The following FKBP11 variants were observed in gnomAD, a reference collection of about 807,000 sequenced individuals.
FKBP11 encodes FKBP prolyl isomerase 11.
Under a neutral mutation model 24.7 loss-of-function variants are expected in FKBP11, and 21 were observed. That is an observed-to-expected ratio of 0.85 (90% CI 0.60 to 1.23). The LOEUF (loss-of-function observed/expected upper bound fraction) is 1.23, where lower values mean the gene tolerates loss of function less well. Ranked by LOEUF, FKBP11 falls within the 50% of genes most tolerant of loss-of-function variation. The pLI, the probability that FKBP11 is intolerant of heterozygous loss-of-function variation, is 0.00. For missense variants in FKBP11, 245 were observed against 248.7 expected (o/e 0.99, Z 0.10); for synonymous variants, 106 against 100.6 (o/e 1.05, Z -0.32).
rs1939874057 is a variant in FKBP11 at position 48,923,156 on chromosome 12, A to AG, written c.388+625_388+626insC. ...AGAGTGAAACTCCATCTCAAAAAAA[A>AG]AAAAAGAATTACGAGCCCAATACTC... On this transcript the variant is annotated intron_variant, in intron 5 of 5. Transcript: ENST00000550765. 4.4e-6 allele frequency: 5 copies of AG among 1,131,418 alleles called. No homozygotes were observed. The East Asian group carries it at 2.8e-4, about 62-fold the overall frequency. The allele number at this position is 1,131,418 out of a possible 1,614,324, so 70.1% of individuals were successfully genotyped here.
the FKBP11 span, among the ~76,000 whole-genome samples, chr12:48,932,657 T>C: frequency 0.33 from 49,646 of 151,886 alleles, 9,116 homozygotes; most frequent in Admixed American, 0.47. Context: ...TATTCAGAAC[T>C]CAGAAAGAAT....
In FKBP11 at chr12:48,923,764, G is replaced by C. The variant is rs183577327; in HGVS notation, c.388+18C>G. The C allele has an allele frequency of 2.2e-4, 348 of 1,611,186 alleles. 5 individuals are homozygous for C. In the East Asian group the frequency reaches 2.9e-3, roughly 14 times the overall value. On this transcript the variant is annotated intron_variant, in intron 5 of 5. Transcript: ENST00000550765. ...CTGGGTATTTTGATGGCCTGAGAGA[G>C]AGTCCTAGTCAGATTACCTGGGACA...
chr12:48,925,062 A>G lies in FKBP11; in HGVS notation c.179T>C (p.Leu60Pro). 1 of 1,613,590 alleles carries G rather than the reference A, an allele frequency of 6.2e-7. No homozygotes were observed. The highest frequency in any genetic ancestry group is 1.1e-5 in the South Asian group (1 of 91,046). ...ACCCCTCACCGTGTAGTGTATGTGA[A>G]GCGTGTCTCCAAAAGCAGCGGGCTC... is the stretch of plus-strand genomic sequence containing the variant. ...CAEPAAFGDTLHIHYTGSLVD... is the reference protein window; with the variant it reads ...CAEPAAFGDTPHIHYTGSLVD... The change falls in exon 2 of 6, where the codon CTT (leucine) becomes CCT (proline). Residue 60 changes from leucine (L) to proline (P), a missense_variant. Transcript: ENST00000550765.
At chr12:48,935,675 A>G in the FKBP11 span, 1 of 152,242 alleles carries the variant, frequency 6.6e-6, no homozygotes, top group Non-Finnish European at 1.5e-5. Flanking sequence ...AGTAGAGCTG[A>G]TGCAGGGCCA....
chr12:48,925,490 G>A lies in FKBP11; in HGVS notation c.-62C>T, dbSNP rs1939945951. 4 of 1,513,394 alleles carry A rather than the reference G, an allele frequency of 2.6e-6. No individual in the cohort carries two copies. The Admixed American group carries it at 8.0e-5, about 30-fold the overall frequency. The allele number at this position is 1,513,394 out of a possible 1,614,324, so 93.7% of individuals were successfully genotyped here. A position where few individuals can be genotyped will look rare whatever the true frequency, so the allele number is the denominator to read the frequency against. On this transcript the variant is annotated 5_prime_UTR_variant, in exon 1 of 6. Coordinates refer to ENST00000550765, the MANE Select transcript of FKBP11 (RefSeq NM_016594.3). ...AGGCTGTTCGGGTGGCGGCAGCCAGGACAGCGTTCCCGCGGCGCCCAGGCC... is the reference window on the plus strand; with the variant it reads ...AGGCTGTTCGGGTGGCGGCAGCCAGAACAGCGTTCCCGCGGCGCCCAGGCC...
At chr12:48,927,662 T>G (rs1041425804), upstream of FKBP11, among the ~76,000 whole-genome samples, 4 of 152,176 alleles carry the variant, frequency 2.6e-5, no homozygotes, top group African/African-American at 9.7e-5. Context: ...AAGAGTTAAC[T>G]AGAAAGCGTC....
upstream of FKBP11, among the ~76,000 whole-genome samples, chr12:48,930,219 T>C (rs1167042199): frequency 6.6e-6 from 1 of 152,214 alleles, no homozygotes; most frequent in Non-Finnish European, 1.5e-5. Context: ...GACAAATGTA[T>C]ATATACCCTA....
Position 48,925,043 on chromosome 12 carries a change from C to T in FKBP11, c.195+3G>A. Reference sequence around the variant, plus strand: ...CCCCGCCCCGGCCCCCCAGACCCCTCACCGTGTAGTGTATGTGAAGCGTGT... The same window carrying T: ...CCCCGCCCCGGCCCCCCAGACCCCTTACCGTGTAGTGTATGTGAAGCGTGT... On this transcript the variant is annotated splice_donor_region_variant and intron_variant, in intron 2 of 5. Coordinates refer to ENST00000550765, the MANE Select transcript of FKBP11 (RefSeq NM_016594.3). 1 of 1,609,650 alleles carries T rather than the reference C, an allele frequency of 6.2e-7. No homozygotes were observed. The highest frequency in any genetic ancestry group is 8.5e-7 in the Non-Finnish European group (1 of 1,176,498).
chr12:48,924,391 TA>T, intron 3 of FKBP11, 135 bp from the exon 4 acceptor site: 1 of 1,256,054 alleles, frequency 8.0e-7, no homozygotes. Context: ...TCCAATAGGA[TA>T]TGGGACAAGT....
upstream of FKBP11, chr12:48,926,222 C>G (rs1939960317): frequency 9.9e-6 from 1 of 101,342 alleles, no homozygotes; most frequent in Admixed American, 1.4e-4. Flanking sequence ...GTAAAGACTT[C>G]ACTTTTTTTT....
chr12:48,925,015 A>G, intron 2 of FKBP11, 31 bp downstream of exon 2: 7 of 1,024,998 alleles, frequency 6.8e-6, no homozygotes, highest in Non-Finnish European at 1.0e-5. Context: ...GCCCCCTCCC[A>G]GGCCCCGCCC....
chr12:48,932,227 TTATA>T, the FKBP11 span, among the ~76,000 whole-genome samples: 329 of 37,666 alleles, frequency 8.7e-3, 6 homozygotes, highest in African/African-American at 0.025. Flanking sequence ...AAACATATAT[TTATA>T]TATATATATA....
Position 48,923,869 on chromosome 12 carries a change from C to CA in FKBP11, c.318-18dup. ...CGCTTCTCTCTGAGGGAAGGAATGTCAGTCACAGCCAGAGGCAGGAGAGGT... is the reference window on the plus strand; with the variant it reads ...CGCTTCTCTCTGAGGGAAGGAATGTCAAGTCACAGCCAGAGGCAGGAGAGGT... On this transcript the variant is annotated splice_polypyrimidine_tract_variant and intron_variant, in intron 4 of 5. Transcript: ENST00000550765. 4 of 1,613,016 alleles carry CA rather than the reference C, an allele frequency of 2.5e-6. No individual in the cohort carries two copies. The highest frequency in any genetic ancestry group is 2.5e-6 in the Non-Finnish European group (3 of 1,178,984).
the FKBP11 span, among the ~76,000 whole-genome samples, chr12:48,933,852 G>C: frequency 6.6e-5 from 10 of 151,408 alleles, no homozygotes; most frequent in African/African-American, 2.4e-4. Context: ...GGGTGACAGA[G>C]ACTGTGTCTC....
chr12:48,923,026 T>G (rs770485107), intron 5 of FKBP11: 1 of 735,238 alleles, frequency 1.4e-6, no homozygotes, highest in Non-Finnish European at 2.0e-6. Context: ...CGCATGCCTG[T>G]AATCCCAGCT....
chr12:48,937,709 A>C, the FKBP11 span: 1 of 152,252 alleles, frequency 6.6e-6, no homozygotes, highest in African/African-American at 2.4e-5. Flanking sequence ...CAAGAGTTGG[A>C]GAAGAGGGGG....
chr12:48,928,984 A>G (rs930200734), upstream of FKBP11, among the ~76,000 whole-genome samples: 4 of 142,848 alleles, frequency 2.8e-5, no homozygotes, highest in African/African-American at 1.0e-4. Context: ...CATCACGCCC[A>G]GCTAACTTTT....
the FKBP11 span, among the ~76,000 whole-genome samples, chr12:48,935,020 A>C: frequency 1.4e-3 from 42 of 30,314 alleles, no homozygotes; most frequent in Non-Finnish European, 6.3e-4. Context: ...TTCCGTCTCA[A>C]AAAAAAAAAA....
At chr12:48,931,486 C>G in the FKBP11 span, 1 of 1,534,662 alleles carries the variant, frequency 6.5e-7, no homozygotes, top group South Asian at 1.2e-5. Flanking sequence ...AGAAGAAATC[C>G]AAACAACAGA....
Sources: gnomAD v4.1 joint callset for allele counts (sites outside exome capture counted in the v4.1 genomes callset) on GRCh38, gnomAD v4.1.1 for gene constraint, MANE v1.5 for transcripts, NCBI Gene and HGNC (gene_info 2026-07-23, HGNC 2026-07-21) for gene names.